Variants in SWAP70 observed in about 807,000 individuals in gnomAD.
SWAP70 encodes the protein switching B cell complex subunit SWAP70.
In SWAP70, 34 loss-of-function variants were observed where a neutral mutation model predicts 80.2. That is an observed-to-expected ratio of 0.42 (90% confidence interval 0.32 to 0.56). The LOEUF (loss-of-function observed/expected upper bound fraction) is 0.56. Among genes scored for constraint, SWAP70 ranks in the 20% least tolerant of loss-of-function variants. SWAP70 has a pLI of 0.09. For synonymous variants in SWAP70, 239 were observed against 238.5 expected (o/e 1.00, Z -0.02); for missense variants, 578 against 690.7 (o/e 0.84, Z 1.83).
At chr11:9,682,012 C>T (rs902508963) in intron 1 of SWAP70, among the ~76,000 whole-genome samples, 1 of 152,154 alleles carries the variant, frequency 6.6e-6, no homozygotes, top group Non-Finnish European at 1.5e-5. Flanking sequence ...GCTTCAGTTT[C>T]CTCATTTGTA....
chr11:9,699,439 T>C lies in SWAP70; in HGVS notation c.240+5153T>C, dbSNP rs547502143. On this transcript the variant is annotated intron_variant, in intron 2 of 11. Transcript: ENST00000318950. ...GCTCAGGTAGCTTATTTGTGTTCTA[T>C]AGTTTTATTATATGTAAATATGTCT... Among the ~76,000 whole-genome samples, 324 of 152,324 alleles carry C rather than the reference T, an allele frequency of 2.1e-3. 2 individuals carry two copies. Among genetic ancestry groups the C allele is most frequent in the Non-Finnish European group, 3.4e-3 (231 of 68,024 alleles).
Position 9,747,759 on chromosome 11 carries a change from G to T in SWAP70, c.1356-99G>T, listed in dbSNP as rs926588181. On this transcript the variant is annotated intron_variant, in intron 9 of 11. Transcript: ENST00000318950. ...TGGTGGAATGAAAGGGGGATTAGAC[G>T]ACCTCAAATATTCTCTTGTCTAAAA... 10 of 1,133,390 alleles carry T rather than the reference G, an allele frequency of 8.8e-6. No homozygotes were observed. In the South Asian group the frequency reaches 1.3e-4, roughly 14 times the overall value. The allele number at this position is 1,133,390 out of a possible 1,614,324, so 70.2% of individuals were successfully genotyped here.
chr11:9,738,360 C>T (rs1448333550), intron 8 of SWAP70, 40 bp downstream of exon 8: 1 of 1,491,980 alleles, frequency 6.7e-7, no homozygotes, highest in South Asian at 1.3e-5. Context: ...TGCAGTAGCT[C>T]AGCCTGGGTC....
At chr11:9,670,228 G>A (rs1850358615) in intron 1 of SWAP70, among the ~76,000 whole-genome samples, 1 of 152,136 alleles carries the variant, frequency 6.6e-6, no homozygotes, top group Non-Finnish European at 1.5e-5. Context: ...GGTGGGTCAA[G>A]GTATGAGCCT....
intron 2 of SWAP70, among the ~76,000 whole-genome samples, chr11:9,702,183 T>C (rs191844647): frequency 2.0e-5 from 3 of 152,360 alleles, no homozygotes; most frequent in Admixed American, 2.0e-4. Flanking sequence ...ATGTCACTTA[T>C]AATTCTTTTA....
At chr11:9,710,641 T>C (rs921770325) in intron 2 of SWAP70, among the ~76,000 whole-genome samples, 4 of 152,104 alleles carry the variant, frequency 2.6e-5, no homozygotes, top group African/African-American at 7.2e-5. Flanking sequence ...ATCTTCCATG[T>C]TATTCCAGGA....
intron 1 of SWAP70, among the ~76,000 whole-genome samples, chr11:9,669,125 A>C (rs1279673704): frequency 6.6e-6 from 1 of 152,236 alleles, no homozygotes; most frequent in Non-Finnish European, 1.5e-5. Flanking sequence ...TTAAAGGAAG[A>C]AGCGATTTCT....
At chr11:9,721,115 G>A (rs449005) in intron 3 of SWAP70, among the ~76,000 whole-genome samples, 7 of 152,062 alleles carry the variant, frequency 4.6e-5, no homozygotes, top group East Asian at 1.9e-4. Context: ...CACGCCTGGC[G>A]TTCAATCTCT....
intron 2 of SWAP70, among the ~76,000 whole-genome samples, chr11:9,706,324 G>T (rs1167395238): frequency 6.7e-6 from 1 of 149,608 alleles, no homozygotes; most frequent in Non-Finnish European, 1.5e-5. Flanking sequence ...GTATACACTG[G>T]TGATCTGTGT....
intron 9 of SWAP70, among the ~76,000 whole-genome samples, chr11:9,743,366 G>A (rs1851468328): frequency 6.6e-6 from 1 of 151,920 alleles, no homozygotes; most frequent in Non-Finnish European, 1.5e-5. Context: ...ACATACTTGT[G>A]CATGTGTCTT....
At chr11:9,741,958 A>AAAAAAAAAAAAAAAAG (rs66572510) in intron 9 of SWAP70, 1 of 148,460 alleles carries the variant, frequency 6.7e-6, no homozygotes, top group Non-Finnish European at 1.5e-5. Context: ...AAAAAAAAAA[A>AAAAAAAAAAAAAAAAG]GTCTACTTGG....
intron 1 of SWAP70, among the ~76,000 whole-genome samples, chr11:9,670,318 G>A (rs541534449): frequency 1.4e-4 from 21 of 152,254 alleles, no homozygotes; most frequent in African/African-American, 4.8e-4. Context: ...TTGACCAGAT[G>A]TGTAGTAGTG....
At chr11:9,685,156 G>A (rs1185977834) in intron 1 of SWAP70, among the ~76,000 whole-genome samples, 3 of 149,898 alleles carry the variant, frequency 2.0e-5, no homozygotes, top group South Asian at 4.2e-4. Context: ...GCTCTGTGCC[G>A]AGGCTGGAGT....
chr11:9,681,891 A>C (rs1266194827), intron 1 of SWAP70, among the ~76,000 whole-genome samples: 2 of 152,218 alleles, frequency 1.3e-5, no homozygotes, highest in East Asian at 3.8e-4. Flanking sequence ...CAGAAAGTAA[A>C]ACCTTTAGAG....
At chr11:9,696,506 G>A (rs1850759578) in intron 2 of SWAP70, among the ~76,000 whole-genome samples, 1 of 151,886 alleles carries the variant, frequency 6.6e-6, no homozygotes, top group South Asian at 2.1e-4. Flanking sequence ...ACACACACAT[G>A]CACCCACACA....
At chr11:9,671,457 T>TATATAAAAATATATTTATAA in intron 1 of SWAP70, among the ~76,000 whole-genome samples, 1 of 53,520 alleles carries the variant, frequency 1.9e-5, no homozygotes, top group South Asian at 5.4e-4. Context: ...TATTTATAAA[T>TATATAAAAATATATTTATAA]ATATATATAA....
chr11:9,671,136 A>T (rs1335394843), intron 1 of SWAP70, among the ~76,000 whole-genome samples: 5 of 132,084 alleles, frequency 3.8e-5, no homozygotes, highest in Non-Finnish European at 7.7e-5. Context: ...TATATTTATA[A>T]ATATAAATAT....
At position 9,752,933 on chromosome 11, in the gene SWAP70, A is replaced by G. The variant is rs1246865737; in HGVS notation, c.*2963A>G. The G allele has an allele frequency of 6.6e-6, 1 of 152,234 alleles. No individual in the cohort carries two copies. Among genetic ancestry groups the G allele is most frequent in the Non-Finnish European group, 1.5e-5 (1 of 68,050 alleles). The allele number at this position is 152,234 out of a possible 1,614,324, so 9.4% of individuals were successfully genotyped here. ...TAAGTAAAATGGACCCAGTAAGAAA[A>G]TTAAAAATACCAGAACATACACTTT... On this transcript the variant is annotated 3_prime_UTR_variant, in exon 12 of 12. Transcript: ENST00000318950.
At chr11:9,725,569 ATTTT>A (rs746391271) in intron 4 of SWAP70, among the ~76,000 whole-genome samples, 290 of 26,440 alleles carry the variant, frequency 0.011, 4 homozygotes, top group South Asian at 0.032. Flanking sequence ...ATATATATAT[ATTTT>A]TTTTTTTTTT....
Sources: allele counts gnomAD v4.1 joint callset (sites outside exome capture counted in the v4.1 genomes callset), GRCh38; gene constraint gnomAD v4.1.1; transcripts MANE v1.5; gene names NCBI Gene and HGNC (gene_info 2026-07-23, HGNC 2026-07-21).